The following RHBDD1 variants were observed in gnomAD, a reference collection of about 807,000 sequenced individuals.
RHBDD1 encodes the protein rhomboid-related protein 4.
In RHBDD1, 38 loss-of-function variants were observed where a neutral mutation model predicts 36.3. The ratio of observed to expected loss-of-function variants is 1.05; its 90% CI spans 0.81 to 1.37. RHBDD1 has a LOEUF of 1.37. Among genes scored for constraint, RHBDD1 ranks in the 40% most tolerant of loss-of-function variants. RHBDD1 has a pLI of 0.00. For synonymous variants in RHBDD1, 151 were observed against 136.5 expected, an observed-to-expected ratio of 1.11 and a Z score of -0.74; for missense variants, 393 against 377.6, an observed-to-expected ratio of 1.04 and a Z score of -0.34.
At chr2:226,812,542 G>A in the RHBDD1 span, among the ~76,000 whole-genome samples, 10 of 152,188 alleles carry the variant, frequency 6.6e-5, no homozygotes, top group East Asian at 1.9e-4. Flanking sequence ...ACGCATAGCC[G>A]TGGAAGATAA....
chr2:226,864,673 C>T lies in RHBDD1; in HGVS notation c.-21C>T, dbSNP rs939896719. 6.2e-7 allele frequency: 1 copy of T among 1,601,316 alleles called. No individual in the cohort carries two copies. Among genetic ancestry groups the T allele is most frequent in the African/African-American group, 1.3e-5 (1 of 74,710 alleles). On this transcript the variant is annotated 5_prime_UTR_variant, in exon 4 of 9. Transcript: ENST00000392062. The stretch of plus-strand genomic sequence containing the variant: ...CTGAGTACGTTTTCCCATTGCTGAG[C>T]TGTTTCCCTGATATCTGGCCATGCA...
chr2:226,928,398 A>G (rs1949803266), intron 8 of RHBDD1, among the ~76,000 whole-genome samples: 1 of 152,112 alleles, frequency 6.6e-6, no homozygotes, highest in South Asian at 2.1e-4. Flanking sequence ...CTGCTCCTTT[A>G]TGATTTTTGG....
chr2:226,962,538 CA>C (rs1349864437), intron 8 of RHBDD1, among the ~76,000 whole-genome samples: 3 of 152,226 alleles, frequency 2.0e-5, no homozygotes, highest in Non-Finnish European at 4.4e-5. Flanking sequence ...TGTATATGGG[CA>C]AAAGGCCATC....
intron 5 of RHBDD1, among the ~76,000 whole-genome samples, chr2:226,901,435 T>C (rs1947584786): frequency 6.6e-6 from 1 of 152,236 alleles, no homozygotes; most frequent in South Asian, 2.1e-4. Flanking sequence ...TATTTCTATT[T>C]TTAGATTTTG....
At chr2:226,938,352 T>C (rs1244402995) in intron 8 of RHBDD1, among the ~76,000 whole-genome samples, 1 of 152,176 alleles carries the variant, frequency 6.6e-6, no homozygotes, top group Non-Finnish European at 1.5e-5. Flanking sequence ...ATCAGATGCA[T>C]AGTTTGTAAA....
intron 8 of RHBDD1, among the ~76,000 whole-genome samples, chr2:226,982,350 C>A (rs1349493627): frequency 2.0e-5 from 3 of 152,224 alleles, no homozygotes; most frequent in Admixed American, 6.5e-5. Flanking sequence ...CGCAGATAAT[C>A]TCAGGGACAA....
At chr2:226,839,101 T>C (rs1402602025) in intron 2 of RHBDD1, among the ~76,000 whole-genome samples, 1 of 152,210 alleles carries the variant, frequency 6.6e-6, no homozygotes, top group African/African-American at 2.4e-5. Context: ...ATTACATTTT[T>C]TAATAAGGGA....
At chr2:226,842,875 C>T (rs990053266) in intron 3 of RHBDD1, among the ~76,000 whole-genome samples, 2 of 152,108 alleles carry the variant, frequency 1.3e-5, no homozygotes, top group Admixed American at 1.3e-4. Flanking sequence ...GCAGTATGGC[C>T]GTTTTCATGA....
the RHBDD1 span, among the ~76,000 whole-genome samples, chr2:226,800,618 TG>T: frequency 6.6e-6 from 1 of 152,066 alleles, no homozygotes; most frequent in Non-Finnish European, 1.5e-5. Flanking sequence ...GCTGAGGGCA[TG>T]GGGGAGGGGA....
chr2:226,925,697 G>C (rs907379353), intron 8 of RHBDD1, among the ~76,000 whole-genome samples: 3 of 152,076 alleles, frequency 2.0e-5, no homozygotes, highest in African/African-American at 7.2e-5. Flanking sequence ...ACTGTATAAG[G>C]CACTTCAAGA....
Position 226,996,718 on chromosome 2 carries a change from G to A in RHBDD1, c.*1196G>A, listed in dbSNP as rs1468507928. On this transcript the variant is annotated 3_prime_UTR_variant, in exon 9 of 9. Coordinates refer to ENST00000392062, the MANE Select transcript of RHBDD1 (RefSeq NM_001167608.3). ...CTTAGCAGGGGTTATCTTTGGGAGTGGAGTACATGGGATTTTGCTTTCTTC... is the reference window on the plus strand; with the variant it reads ...CTTAGCAGGGGTTATCTTTGGGAGTAGAGTACATGGGATTTTGCTTTCTTC... 2 of 152,174 alleles carry A rather than the reference G, an allele frequency of 1.3e-5. No individual in the cohort carries two copies. The highest frequency in any genetic ancestry group is 2.9e-5 in the Non-Finnish European group (2 of 68,032). 9.4% of individuals were successfully genotyped at this position (152,174 alleles called of 1,614,324 possible). A position where few individuals can be genotyped will look rare whatever the true frequency, so the allele number is the denominator to read the frequency against.
At chr2:226,822,916 A>G in the RHBDD1 span, among the ~76,000 whole-genome samples, 3 of 152,130 alleles carry the variant, frequency 2.0e-5, no homozygotes, top group Non-Finnish European at 2.9e-5. Flanking sequence ...ACTTGAGGTC[A>G]GGAGTTTGAG....
chr2:226,959,571 CTA>C (rs1388214406), intron 8 of RHBDD1, among the ~76,000 whole-genome samples: 1 of 152,186 alleles, frequency 6.6e-6, no homozygotes, highest in African/African-American at 2.4e-5. Context: ...TATCATATCA[CTA>C]TGTGTGTTAA....
intron 8 of RHBDD1, among the ~76,000 whole-genome samples, chr2:226,965,369 G>A (rs970882528): frequency 6.6e-6 from 1 of 152,172 alleles, no homozygotes; most frequent in African/African-American, 2.4e-5. Context: ...AGAGAATAAA[G>A]TTCTGTTGTT....
rs1305764872 is a variant in RHBDD1, at chr2:226,864,886, T to G, written c.193T>G (p.Trp65Gly). 7 of 1,614,114 alleles carry G rather than the reference T, an allele frequency of 4.3e-6. No individual in the cohort carries two copies. Among genetic ancestry groups the G allele is most frequent in the Non-Finnish European group, 5.9e-6 (7 of 1,180,050 alleles). The change falls in exon 4 of 9, where the codon TGG (tryptophan) becomes GGG (glycine). Residue 65 changes from tryptophan (W) to glycine (G), a missense_variant. By Grantham distance (184) the Trp-to-Gly change is radical. Coordinates refer to ENST00000392062, the MANE Select transcript of RHBDD1 (RefSeq NM_001167608.3). ...GGAGAAGTGTTACCAGCAAAAAGAC[T>G]GGCAGCGTTTACTGCTCTCTCCCCT... is the stretch of plus-strand genomic sequence containing the variant. ...SVEKCYQQKD[W>G]QRLLLSPLHH...
At chr2:226,980,055 G>A (rs1266570666) in intron 8 of RHBDD1, among the ~76,000 whole-genome samples, 1 of 152,140 alleles carries the variant, frequency 6.6e-6, no homozygotes, top group Non-Finnish European at 1.5e-5. Flanking sequence ...GGATAGTGGG[G>A]GCATTTCTGA....
chr2:226,984,916 C>A (rs942349295), intron 8 of RHBDD1, among the ~76,000 whole-genome samples: 22 of 128,658 alleles, frequency 1.7e-4, no homozygotes, highest in Admixed American at 6.6e-4. Flanking sequence ...CTGATGCTCT[C>A]CTGGGGGTTG....
chr2:226,907,082 C>A, intron 6 of RHBDD1: 2 of 629,854 alleles, frequency 3.2e-6, no homozygotes, highest in Non-Finnish European at 5.6e-6. Context: ...ACTTAAATTT[C>A]GAATCTGATA....
chr2:226,877,757 T>C (rs1327444619), intron 5 of RHBDD1, among the ~76,000 whole-genome samples: 1 of 152,150 alleles, frequency 6.6e-6, no homozygotes, highest in Non-Finnish European at 1.5e-5. Flanking sequence ...ACACGGTGTA[T>C]TAAAAAGATG....
Sources: allele counts gnomAD v4.1 joint callset (sites outside exome capture counted in the v4.1 genomes callset), GRCh38; gene constraint gnomAD v4.1.1; transcripts MANE v1.5; gene names NCBI Gene and HGNC (gene_info 2026-07-23, HGNC 2026-07-21).